The following TSPAN9 variants were observed in gnomAD, a reference collection of about 807,000 sequenced individuals.
The protein encoded by TSPAN9 is tetraspanin 9, also known as tetraspanin-9.
Under a neutral mutation model 31.0 loss-of-function variants are expected in TSPAN9, and 16 were observed. That is an observed-to-expected ratio of 0.52 (90% CI 0.35 to 0.78). The LOEUF (loss-of-function observed/expected upper bound fraction) is 0.78. TSPAN9 is among the 30% of genes least tolerant of loss of function. TSPAN9 has a pLI of 0.01. For synonymous variants in TSPAN9, 145 were observed against 121.6 expected (o/e 1.19, Z -1.27); for missense variants, 272 against 312.5 (o/e 0.87, Z 0.98).
At chr12:3,180,259 G>A (rs2153971133) in intron 2 of TSPAN9, among the ~76,000 whole-genome samples, 1 of 152,240 alleles carries the variant, frequency 6.6e-6, no homozygotes, top group Middle Eastern at 3.4e-3. Context: ...GCTCACACTT[G>A]TAATCCCAGC....
chr12:3,084,955 C>A (rs897838089), intron 2 of TSPAN9, among the ~76,000 whole-genome samples: 1 of 152,216 alleles, frequency 6.6e-6, no homozygotes, highest in Non-Finnish European at 1.5e-5. Context: ...GTCCTCCTCC[C>A]GCCTCCCTGG....
intron 2 of TSPAN9, among the ~76,000 whole-genome samples, chr12:3,167,315 G>A (rs987928153): frequency 1.3e-5 from 2 of 152,192 alleles, no homozygotes; most frequent in Non-Finnish European, 2.9e-5. Flanking sequence ...AACATAGATG[G>A]AGGTTTTTAG....
At chr12:3,207,335 G>A (rs1473332065) in intron 3 of TSPAN9, among the ~76,000 whole-genome samples, 1 of 152,074 alleles carries the variant, frequency 6.6e-6, no homozygotes, top group Non-Finnish European at 1.5e-5. Flanking sequence ...CTGTTTATTT[G>A]GTTCCAGTTA....
At chr12:3,149,170 A>G (rs1260786887) in intron 2 of TSPAN9, among the ~76,000 whole-genome samples, 1 of 152,216 alleles carries the variant, frequency 6.6e-6, no homozygotes, top group Non-Finnish European at 1.5e-5. Flanking sequence ...GTTTTTGTGA[A>G]TGAATAAATG....
chr12:3,132,016 A>T (rs949405117), intron 2 of TSPAN9, among the ~76,000 whole-genome samples: 1 of 152,182 alleles, frequency 6.6e-6, no homozygotes, highest in Non-Finnish European at 1.5e-5. Flanking sequence ...AAATAGAATC[A>T]TACAGTATGT....
rs1205233943 is a variant in TSPAN9 at position 3,285,949 on chromosome 12, C to T, written c.*2833C>T. The T allele has an allele frequency of 3.3e-5, 5 of 152,412 alleles. No homozygotes were observed. The highest frequency in any genetic ancestry group is 6.5e-5 in the Admixed American group (1 of 15,292). 9.4% of individuals were successfully genotyped at this position (152,412 alleles called of 1,614,324 possible). On this transcript the variant is annotated 3_prime_UTR_variant, in exon 9 of 9. Coordinates refer to ENST00000011898, the MANE Select transcript of TSPAN9 (RefSeq NM_006675.5). ...CCTGCACCCCTCCCCCAGCTTGAGC[C>T]GTGTCACCCCCCTCTCCCTCCAGCA...
intron 3 of TSPAN9, among the ~76,000 whole-genome samples, chr12:3,219,789 A>G (rs2098383356): frequency 6.6e-6 from 1 of 151,220 alleles, no homozygotes; most frequent in South Asian, 2.1e-4. Context: ...ACCATGGCAC[A>G]TGTATACCAA....
intron 2 of TSPAN9, among the ~76,000 whole-genome samples, chr12:3,145,200 C>G (rs988200829): frequency 2.6e-4 from 40 of 152,188 alleles, no homozygotes; most frequent in African/African-American, 9.2e-4. Context: ...GCCCTCCGGT[C>G]AGGACCGCGA....
chr12:3,097,739 C>T (rs2098309849), intron 2 of TSPAN9, among the ~76,000 whole-genome samples: 1 of 152,204 alleles, frequency 6.6e-6, no homozygotes, highest in South Asian at 2.1e-4. Context: ...TGGTAACAGC[C>T]ATTGGCTGGG....
chr12:3,217,890 C>G (rs2098382174), intron 3 of TSPAN9, among the ~76,000 whole-genome samples: 2 of 152,064 alleles, frequency 1.3e-5, no homozygotes. Context: ...AGGTGCTTAA[C>G]TTTTAGAACC....
intron 2 of TSPAN9, among the ~76,000 whole-genome samples, chr12:3,148,611 G>A (rs2098338366): frequency 6.6e-6 from 1 of 152,236 alleles, no homozygotes; most frequent in African/African-American, 2.4e-5. Context: ...ACTGCCAAGT[G>A]GCCCTGCTCT....
At chr12:3,243,474 C>T (rs2098397702) in intron 3 of TSPAN9, among the ~76,000 whole-genome samples, 1 of 152,214 alleles carries the variant, frequency 6.6e-6, no homozygotes, top group African/African-American at 2.4e-5. Flanking sequence ...CTGACTCAAG[C>T]CCCTCACTCT....
intron 2 of TSPAN9, among the ~76,000 whole-genome samples, chr12:3,195,812 C>T (rs748761460): frequency 6.6e-6 from 1 of 152,202 alleles, no homozygotes; most frequent in Non-Finnish European, 1.5e-5. Flanking sequence ...TAAGCACCTT[C>T]TCTTGCTTCA....
At chr12:3,204,869 C>T (rs1037355833) in intron 3 of TSPAN9, among the ~76,000 whole-genome samples, 4 of 152,232 alleles carry the variant, frequency 2.6e-5, no homozygotes, top group Admixed American at 2.6e-4. Context: ...TTTCCTCAGT[C>T]AGCCCCATCT....
intron 2 of TSPAN9, among the ~76,000 whole-genome samples, chr12:3,095,527 C>G (rs1434519681): frequency 8.6e-6 from 1 of 115,656 alleles, no homozygotes; most frequent in African/African-American, 3.5e-5. Context: ...CCCTCCCGGA[C>G]GGGGCGGCTG....
intron 1 of TSPAN9, among the ~76,000 whole-genome samples, chr12:3,081,231 G>A (rs1453626071): frequency 1.3e-5 from 2 of 152,136 alleles, no homozygotes; most frequent in African/African-American, 4.8e-5. Flanking sequence ...AACAAGAGAG[G>A]ACAAGACTTC....
intron 2 of TSPAN9, among the ~76,000 whole-genome samples, chr12:3,122,590 T>G (rs2098325671): frequency 6.6e-6 from 1 of 151,980 alleles, no homozygotes; most frequent in Non-Finnish European, 1.5e-5. Context: ...GCAGGGATTT[T>G]GAATCTTTTG....
At chr12:3,124,619 A>G (rs1385220643) in intron 2 of TSPAN9, among the ~76,000 whole-genome samples, 1 of 151,986 alleles carries the variant, frequency 6.6e-6, no homozygotes, top group African/African-American at 2.4e-5. Flanking sequence ...TATGTTGATC[A>G]GGCTTATCTT....
At chr12:3,179,273 C>T (rs1338038849) in intron 2 of TSPAN9, among the ~76,000 whole-genome samples, 3 of 152,142 alleles carry the variant, frequency 2.0e-5, no homozygotes, top group Admixed American at 6.5e-5. Flanking sequence ...TTACACACCC[C>T]GACACTCACC....
Sources: gnomAD v4.1 joint callset for allele counts (sites outside exome capture counted in the v4.1 genomes callset) on GRCh38, gnomAD v4.1.1 for gene constraint, MANE v1.5 for transcripts, NCBI Gene and HGNC (gene_info 2026-07-23, HGNC 2026-07-21) for gene names.